TSPAN5: variants seen among roughly 807,000 people sequenced by gnomAD.
TSPAN5 encodes the protein tetraspanin-5.
TSPAN5 carries 10 observed loss-of-function variants against 37.1 expected under a neutral mutation model. That is an observed-to-expected ratio of 0.27 (90% confidence interval 0.17 to 0.46). The LOEUF is 0.46. Among genes scored for constraint, TSPAN5 ranks in the 20% least tolerant of loss-of-function variants. The probability of loss-of-function intolerance (pLI) is 1.00; values close to 1 mark genes in which losing one functional copy is unlikely to be tolerated. For synonymous variants in TSPAN5, 110 were observed against 118.9 expected (o/e 0.93, Z 0.48); for missense variants, 195 against 326.6 (o/e 0.60, Z 3.11).
intron 1 of TSPAN5, among the ~76,000 whole-genome samples, chr4:98,597,898 G>C (rs1166013379): frequency 1.3e-5 from 1 of 74,950 alleles, no homozygotes; most frequent in Non-Finnish European, 2.4e-5. Context: ...TTGTTTGTCT[G>C]TGCCCTGCCC....
At chr4:98,648,485 A>G (rs1267349783) in intron 1 of TSPAN5, among the ~76,000 whole-genome samples, 1 of 152,236 alleles carries the variant, frequency 6.6e-6, no homozygotes, top group Non-Finnish European at 1.5e-5. Flanking sequence ...CACTGTGCCT[A>G]TCGAATAAAT....
chr4:98,586,736 T>C (rs996387091), intron 1 of TSPAN5, among the ~76,000 whole-genome samples: 2 of 152,238 alleles, frequency 1.3e-5, no homozygotes, highest in African/African-American at 2.4e-5. Context: ...GAGGGGGTCC[T>C]GAAGCACTGA....
At chr4:98,478,926 G>A in intron 4 of TSPAN5, 116 bp from the exon 5 acceptor site, 1 of 1,292,112 alleles carries the variant, frequency 7.7e-7, no homozygotes, top group South Asian at 1.4e-5. Context: ...TTCTGTCCTA[G>A]ACTTTATTTT....
At chr4:98,516,352 C>T (rs1753728572) in intron 1 of TSPAN5, among the ~76,000 whole-genome samples, 2 of 152,208 alleles carry the variant, frequency 1.3e-5, no homozygotes, top group Non-Finnish European at 2.9e-5. Context: ...CCTAGTCTCC[C>T]TCATGCTAGA....
intron 1 of TSPAN5, among the ~76,000 whole-genome samples, chr4:98,549,479 T>C (rs1355155610): frequency 1.3e-5 from 2 of 152,022 alleles, no homozygotes; most frequent in Non-Finnish European, 1.5e-5. Context: ...TTTTGTATTT[T>C]TAGTAGAGAC....
intron 1 of TSPAN5, among the ~76,000 whole-genome samples, chr4:98,632,161 T>C (rs1412896813): frequency 1.3e-5 from 2 of 152,210 alleles, no homozygotes; most frequent in African/African-American, 4.8e-5. Context: ...TGCCACCCTG[T>C]GTTCATTTTC....
At chr4:98,513,879 T>TAGATAGAC (rs1278394307) in intron 1 of TSPAN5, among the ~76,000 whole-genome samples, 2 of 151,868 alleles carry the variant, frequency 1.3e-5, no homozygotes, top group African/African-American at 2.4e-5. Context: ...GATAGATAGA[T>TAGATAGAC]AGATAGATAG....
At chr4:98,563,600 C>T (rs916047086) in intron 1 of TSPAN5, among the ~76,000 whole-genome samples, 18 of 152,216 alleles carry the variant, frequency 1.2e-4, no homozygotes, top group African/African-American at 4.3e-4. Flanking sequence ...TCTCCTCTAG[C>T]TTTCCACACA....
At chr4:98,642,548 T>C (rs1355379638) in intron 1 of TSPAN5, among the ~76,000 whole-genome samples, 1 of 152,186 alleles carries the variant, frequency 6.6e-6, no homozygotes, top group East Asian at 1.9e-4. Flanking sequence ...TAGTCTCTTA[T>C]GAATGAAAAT....
chr4:98,553,311 C>T (rs1016318785), intron 1 of TSPAN5, among the ~76,000 whole-genome samples: 45 of 152,150 alleles, frequency 3.0e-4, no homozygotes, highest in Non-Finnish European at 1.2e-4. Flanking sequence ...AAGGCTAAAA[C>T]TCTAAATTGC....
chr4:98,601,367 T>C (rs1755877593), intron 1 of TSPAN5, among the ~76,000 whole-genome samples: 1 of 152,256 alleles, frequency 6.6e-6, no homozygotes, highest in Non-Finnish European at 1.5e-5. Context: ...ATCAGAAATT[T>C]GTTGTTTAGT....
At chr4:98,544,030 A>G (rs1333576841) in intron 1 of TSPAN5, among the ~76,000 whole-genome samples, 2 of 152,028 alleles carry the variant, frequency 1.3e-5, no homozygotes, top group Non-Finnish European at 2.9e-5. Flanking sequence ...ATTTTTAAAA[A>G]TTAGCCAAGT....
At chr4:98,613,284 T>C (rs2110237258) in intron 1 of TSPAN5, among the ~76,000 whole-genome samples, 1 of 152,270 alleles carries the variant, frequency 6.6e-6, no homozygotes, top group South Asian at 2.1e-4. Flanking sequence ...ACAGTAATGC[T>C]ACAATTTCTG....
intron 1 of TSPAN5, among the ~76,000 whole-genome samples, chr4:98,592,249 G>C (rs1209597769): frequency 6.7e-6 from 1 of 149,360 alleles, no homozygotes; most frequent in Non-Finnish European, 1.5e-5. Context: ...CCATTGTTTA[G>C]GGCTGAGGCT....
At chr4:98,657,828 G>C in intron 1 of TSPAN5, 1 of 332,418 alleles carries the variant, frequency 3.0e-6, no homozygotes, top group Non-Finnish European at 5.6e-6. Context: ...AATCCAATTC[G>C]TGTGGTTGCT....
Position 98,598,078 on chromosome 4 carries a change from C to T in TSPAN5, c.81+60068G>A, listed in dbSNP as rs543834930. Among the ~76,000 whole-genome samples, 44 of 82,210 alleles carry T rather than the reference C, an allele frequency of 5.4e-4. 1 individual carries two copies. The highest frequency in any genetic ancestry group is 2.1e-3 in the South Asian group (4 of 1,920). 53.9% of individuals were successfully genotyped at this position (82,210 alleles called of 152,430 possible). A position where few individuals can be genotyped will look rare whatever the true frequency, so the allele number is the denominator to read the frequency against. On this transcript the variant is annotated intron_variant, in intron 1 of 7. Coordinates refer to ENST00000305798, the MANE Select transcript of TSPAN5 (RefSeq NM_005723.4). ...GTTTGATCTCAGACTGCTGTGCTAG[C>T]AATCAGCGAGATTTCGTGGGCGTAG...
At chr4:98,495,503 G>A (rs1017881724) in intron 2 of TSPAN5, among the ~76,000 whole-genome samples, 5 of 139,788 alleles carry the variant, frequency 3.6e-5, no homozygotes, top group Non-Finnish European at 7.5e-5. Flanking sequence ...CTGCACTACA[G>A]CCCGGGAGAC....
chr4:98,513,861 AATAG>A (rs56142906), intron 1 of TSPAN5, among the ~76,000 whole-genome samples: 26,410 of 149,530 alleles, frequency 0.18, 2,361 homozygotes, highest in Non-Finnish European at 0.19. Flanking sequence ...ATAAAAAGCA[AATAG>A]ATAGATAGAT....
chr4:98,553,930 G>A (rs2110158683), intron 1 of TSPAN5, among the ~76,000 whole-genome samples: 1 of 152,246 alleles, frequency 6.6e-6, no homozygotes, highest in South Asian at 2.1e-4. Flanking sequence ...AGCTGGGCGT[G>A]ATGGCAGGCG....
Sources: allele counts gnomAD v4.1 joint callset (sites outside exome capture counted in the v4.1 genomes callset), GRCh38; gene constraint gnomAD v4.1.1; transcripts MANE v1.5; gene names NCBI Gene and HGNC (gene_info 2026-07-23, HGNC 2026-07-21).